IGSF5: variants seen among roughly 807,000 people sequenced by gnomAD.
The protein encoded by IGSF5 is immunoglobulin superfamily member 5, also known as immunoglobulin superfamily 5 like.
IGSF5 carries 41 observed loss-of-function variants against 39.4 expected under a neutral mutation model. The ratio of observed to expected loss-of-function variants is 1.04; its 90% CI spans 0.81 to 1.35. The LOEUF (loss-of-function observed/expected upper bound fraction) is 1.35, where lower values mean the gene tolerates loss of function less well. IGSF5 is among the 40% of genes most tolerant of loss of function. The pLI, the probability that IGSF5 is intolerant of heterozygous loss-of-function variation, is 0.00. For synonymous variants in IGSF5, 183 were observed against 175.3 expected, an observed-to-expected ratio of 1.04 and a Z score of -0.34; for missense variants, 487 against 494.6, an observed-to-expected ratio of 0.98 and a Z score of 0.15.
At chr21:39,750,098 G>T (rs1390906575) in intron 2 of IGSF5, among the ~76,000 whole-genome samples, 1 of 152,186 alleles carries the variant, frequency 6.6e-6, no homozygotes, top group Non-Finnish European at 1.5e-5. Context: ...GGAATAAAAT[G>T]GGAGGCAGGT....
chr21:39,796,258 C>T (rs2086995544), intron 8 of IGSF5, among the ~76,000 whole-genome samples: 1 of 152,140 alleles, frequency 6.6e-6, no homozygotes, highest in African/African-American at 2.4e-5. Context: ...AGTGAAGCTA[C>T]AGCTTGTAGA....
chr21:39,783,586 G>A (rs1010296480), intron 5 of IGSF5, among the ~76,000 whole-genome samples: 25 of 152,040 alleles, frequency 1.6e-4, no homozygotes, highest in Admixed American at 1.2e-3. Context: ...TTTTGCTGTC[G>A]AGATGTTTGA....
the IGSF5 span, among the ~76,000 whole-genome samples, chr21:39,723,645 A>G: frequency 1.8e-4 from 27 of 152,322 alleles, no homozygotes; most frequent in African/African-American, 6.5e-4. Context: ...CTGAGACCTG[A>G]CAGAACTATA....
At chr21:39,779,640 T>C (rs1372269244) in intron 5 of IGSF5, among the ~76,000 whole-genome samples, 1 of 152,182 alleles carries the variant, frequency 6.6e-6, no homozygotes, top group East Asian at 1.9e-4. Flanking sequence ...AGCAAAGATA[T>C]GGAATCAACC....
intron 3 of IGSF5, 42 bp downstream of exon 3, chr21:39,765,894 T>C: frequency 1.9e-6 from 3 of 1,571,364 alleles, no homozygotes; most frequent in Non-Finnish European, 2.6e-6. Flanking sequence ...AGGTTAAATG[T>C]CAGAGGGCAG....
chr21:39,735,562 C>T, the IGSF5 span, among the ~76,000 whole-genome samples: 1 of 152,016 alleles, frequency 6.6e-6, no homozygotes, highest in Admixed American at 6.6e-5. Flanking sequence ...TTTGAAATTC[C>T]TCAAAAGCCT....
Position 39,770,929 on chromosome 21 carries a change from G to T in IGSF5, c.432G>T (p.Leu144=). 6.4e-7 allele frequency: 1 copy of T among 1,566,360 alleles called. No homozygotes were observed. The change falls in exon 4 of 9, where the codon CTG becomes CTT. Residue 144 remains leucine, a synonymous_variant. Coordinates refer to ENST00000380588, the MANE Select transcript of IGSF5 (RefSeq NM_001080444.2). ...AYLTVQVMGE[L]FIPSVNLVVA... ...TTTCTTCTTTAGTTATGGGAGAGCT[G>T]TTCATTCCCAGTGTTAATCTTGTAG...
At chr21:39,752,996 T>G (rs1262867416) in intron 2 of IGSF5, among the ~76,000 whole-genome samples, 1 of 152,224 alleles carries the variant, frequency 6.6e-6, no homozygotes, top group Non-Finnish European at 1.5e-5. Context: ...CAGAAGCTTT[T>G]TAGTTTAACT....
intron 4 of IGSF5, among the ~76,000 whole-genome samples, chr21:39,778,491 C>T (rs551404537): frequency 6.6e-6 from 1 of 152,242 alleles, no homozygotes; most frequent in Non-Finnish European, 1.5e-5. Flanking sequence ...GTGCAACATA[C>T]ACACTAAGGA....
chr21:39,776,924 A>T (rs2080144615), intron 4 of IGSF5, among the ~76,000 whole-genome samples: 1 of 152,202 alleles, frequency 6.6e-6, no homozygotes, highest in Admixed American at 6.5e-5. Context: ...AGTTCGTAAG[A>T]GTCCGTTAAA....
intron 8 of IGSF5, among the ~76,000 whole-genome samples, chr21:39,797,696 T>C (rs1200032738): frequency 6.6e-6 from 1 of 152,092 alleles, no homozygotes; most frequent in African/African-American, 2.4e-5. Context: ...TTAAACATTT[T>C]TTTTTGTAGG....
chr21:39,736,000 T>C, the IGSF5 span, among the ~76,000 whole-genome samples: 1 of 152,054 alleles, frequency 6.6e-6, no homozygotes, highest in African/African-American at 2.4e-5. Flanking sequence ...CTCTTGACTG[T>C]GTGCTTGGGC....
At chr21:39,786,567 A>C (rs2086921560) in intron 5 of IGSF5, among the ~76,000 whole-genome samples, 2 of 148,362 alleles carry the variant, frequency 1.3e-5, no homozygotes, top group African/African-American at 2.5e-5. Flanking sequence ...TCAGGGATCT[A>C]GAACTAGAAA....
the IGSF5 span, among the ~76,000 whole-genome samples, chr21:39,713,038 G>A: frequency 6.6e-6 from 1 of 152,150 alleles, no homozygotes; most frequent in African/African-American, 2.4e-5. Context: ...TGTAGTGCAG[G>A]AATAGTCCAT....
In IGSF5 at chr21:39,765,473, G is replaced by A. The variant is rs1464067076; in HGVS notation, c.101-62G>A. The A allele has an allele frequency of 4.1e-6, 6 of 1,475,672 alleles. No homozygotes were observed. The Middle Eastern group carries it at 5.2e-4, about 128-fold the overall frequency. The allele number at this position is 1,475,672 out of a possible 1,614,324, so 91.4% of individuals were successfully genotyped here. A position where few individuals can be genotyped will look rare whatever the true frequency, so the allele number is the denominator to read the frequency against. On this transcript the variant is annotated intron_variant, in intron 2 of 8. Transcript: ENST00000380588. Reference sequence around the variant, plus strand: ...CACTGGTAAATACAGAAAGGTTACAGCACACAGTTGATTTATGGAGATCCA... The same window carrying A: ...CACTGGTAAATACAGAAAGGTTACAACACACAGTTGATTTATGGAGATCCA...
At chr21:39,786,669 T>C (rs1242291744) in intron 5 of IGSF5, among the ~76,000 whole-genome samples, 2 of 151,996 alleles carry the variant, frequency 1.3e-5, no homozygotes, top group Non-Finnish European at 2.9e-5. Context: ...GTATGTTTAT[T>C]GTGGCATTAT....
At chr21:39,734,748 G>A in the IGSF5 span, among the ~76,000 whole-genome samples, 1 of 152,088 alleles carries the variant, frequency 6.6e-6, no homozygotes, top group Non-Finnish European at 1.5e-5. Flanking sequence ...TGTAAGTGAT[G>A]TTATCAAATT....
At chr21:39,743,934 A>G (rs570323007), upstream of IGSF5, among the ~76,000 whole-genome samples, 9 of 152,268 alleles carry the variant, frequency 5.9e-5, no homozygotes, top group South Asian at 1.9e-3. Flanking sequence ...ATTCTCCAGA[A>G]TACATCTTAG....
the IGSF5 span, among the ~76,000 whole-genome samples, chr21:39,737,866 C>A: frequency 6.6e-6 from 1 of 152,148 alleles, no homozygotes; most frequent in Admixed American, 6.5e-5. Flanking sequence ...TGCGGCAGGA[C>A]CCTTTCTGGA....
Sources: gnomAD v4.1 joint callset for allele counts (sites outside exome capture counted in the v4.1 genomes callset) on GRCh38, gnomAD v4.1.1 for gene constraint, MANE v1.5 for transcripts, NCBI Gene and HGNC (gene_info 2026-07-23, HGNC 2026-07-21) for gene names.